Variants in TAF3 observed in about 807,000 individuals in gnomAD.
The protein encoded by TAF3 is TATA-box binding protein associated factor 3.
In TAF3, 7 loss-of-function variants were observed where a neutral mutation model predicts 80.6. The observed-to-expected ratio is 0.09, with a 90% confidence interval of 0.05 to 0.16. TAF3 has a LOEUF of 0.16. Among genes scored for constraint, TAF3 ranks in the 10% least tolerant of loss-of-function variants. The pLI, the probability that TAF3 is intolerant of heterozygous loss-of-function variation, is 1.00. For synonymous variants in TAF3, 444 were observed against 446.1 expected (o/e 1.00, Z 0.06); for missense variants, 921 against 1,140.2 (o/e 0.81, Z 2.77).
At chr10:7,971,306 A>G (rs1564374508) in intron 3 of TAF3, among the ~76,000 whole-genome samples, 1 of 152,358 alleles carries the variant, frequency 6.6e-6, no homozygotes, top group East Asian at 1.9e-4. Flanking sequence ...GGTTACAGCC[A>G]TAGTTCAGCA....
At chr10:7,866,858 G>T (rs989100724) in intron 2 of TAF3, among the ~76,000 whole-genome samples, 2 of 152,122 alleles carry the variant, frequency 1.3e-5, no homozygotes, top group African/African-American at 4.8e-5. Context: ...TTGTTTTTAT[G>T]GTGCGCTCTA....
chr10:8,014,790 G>T lies in TAF3; in HGVS notation c.*39G>T, dbSNP rs549695498. Reference sequence around the variant, plus strand: ...GCTGGACCAAGCGGGGTCAGCCCGGGCTTCTTCCCTGGCGCCTCTGGAAGG... The same window carrying T: ...GCTGGACCAAGCGGGGTCAGCCCGGTCTTCTTCCCTGGCGCCTCTGGAAGG... On this transcript the variant is annotated 3_prime_UTR_variant, in exon 7 of 7. Transcript: ENST00000344293. 1.3e-6 allele frequency: 2 copies of T among 1,531,782 alleles called. No individual in the cohort carries two copies. The highest frequency in any genetic ancestry group is 2.4e-5 in the South Asian group (2 of 82,336). The allele number at this position is 1,531,782 out of a possible 1,614,324, so 94.9% of individuals were successfully genotyped here. A position where few individuals can be genotyped will look rare whatever the true frequency, so the allele number is the denominator to read the frequency against.
At position 7,943,976 on chromosome 10, in the gene TAF3, G is replaced by A. The variant is rs192761757; in HGVS notation, c.410-19944G>A. Among the ~76,000 whole-genome samples the A allele has an allele frequency of 3.0e-3, 461 of 152,198 alleles. 2 individuals are homozygous for A. Among genetic ancestry groups the A allele is most frequent in the African/African-American group, 0.01 (418 of 41,522 alleles). On this transcript the variant is annotated intron_variant, in intron 2 of 6. Coordinates refer to ENST00000344293, the MANE Select transcript of TAF3 (RefSeq NM_031923.4). ...GGGTTCTTTATACTTTGAAAAGGGGGTGGGTTTTCTTGTTCTTTCTGCAAT... is the reference window on the plus strand; with the variant it reads ...GGGTTCTTTATACTTTGAAAAGGGGATGGGTTTTCTTGTTCTTTCTGCAAT...
At chr10:7,991,098 T>C (rs1456401764) in intron 4 of TAF3, among the ~76,000 whole-genome samples, 1 of 152,176 alleles carries the variant, frequency 6.6e-6, no homozygotes, top group East Asian at 1.9e-4. Flanking sequence ...CTGAAGTCAG[T>C]GTAATAATTT....
At position 8,007,100 on chromosome 10, in the gene TAF3, A is replaced by G. The variant is rs1175383163; in HGVS notation, c.2316-1978A>G. Among the ~76,000 whole-genome samples, 18 of 152,178 alleles carry G rather than the reference A, an allele frequency of 1.2e-4. 1 individual carries two copies. Among genetic ancestry groups the G allele is most frequent in the Admixed American group, 1.0e-3 (16 of 15,282 alleles). On this transcript the variant is annotated intron_variant, in intron 4 of 6. Coordinates refer to ENST00000344293, the MANE Select transcript of TAF3 (RefSeq NM_031923.4). The stretch of plus-strand genomic sequence containing the variant: ...CTTGGAGAAGTCCTTGAACAGTTCT[A>G]TTTATGAGTCAGTGTGTAAGTTTAC...
At chr10:7,865,711 T>C (rs1837207547) in intron 2 of TAF3, among the ~76,000 whole-genome samples, 1 of 152,112 alleles carries the variant, frequency 6.6e-6, no homozygotes, top group Non-Finnish European at 1.5e-5. Flanking sequence ...GAAGGAAAAA[T>C]AGAAAGTTGC....
chr10:7,935,142 TG>T (rs1191528554), intron 2 of TAF3, among the ~76,000 whole-genome samples: 2 of 152,236 alleles, frequency 1.3e-5, no homozygotes, highest in Non-Finnish European at 2.9e-5. Flanking sequence ...CTGTGCGTGC[TG>T]GTGCGCGCCT....
chr10:7,851,713 T>C (rs774692257), intron 2 of TAF3, among the ~76,000 whole-genome samples: 1 of 152,180 alleles, frequency 6.6e-6, no homozygotes, highest in Non-Finnish European at 1.5e-5. Flanking sequence ...TTTAAGCATA[T>C]AACTCTAAAA....
Position 7,974,133 on chromosome 10 carries a change from T to TACACACAC in TAF3, c.2233-3076_2233-3069dup, listed in dbSNP as rs56363651. 7.1e-3 allele frequency among the ~76,000 whole-genome samples: 1,034 copies of TACACACAC among 145,346 alleles called. 5 individuals are homozygous for TACACACAC. Among genetic ancestry groups the TACACACAC allele is most frequent in the African/African-American group, 0.013 (488 of 38,838 alleles). ...ACAGAGTGAGATTCCTTCTGAAACA[T>TACACACAC]ACACACACACACACACACACACACA... On this transcript the variant is annotated intron_variant, in intron 3 of 6. Transcript: ENST00000344293.
chr10:7,921,045 G>C (rs1837758002), intron 2 of TAF3, among the ~76,000 whole-genome samples: 1 of 151,998 alleles, frequency 6.6e-6, no homozygotes, highest in Non-Finnish European at 1.5e-5. Flanking sequence ...ATTCTCAGGA[G>C]CTCTTTTCTA....
intron 2 of TAF3, among the ~76,000 whole-genome samples, chr10:7,873,624 C>T (rs866779792): frequency 1.0e-4 from 15 of 143,536 alleles, no homozygotes; most frequent in South Asian, 2.2e-4. Flanking sequence ...TTCTCCCCCC[C>T]CCCCCGTCAA....
chr10:7,864,540 C>G lies in TAF3; in HGVS notation c.409+39980C>G, dbSNP rs538476973. ...AACAGATCTCTTGAAATGTGTTCCT[C>G]CTATCTAAGCGTAATAATGTGTCCT... On this transcript the variant is annotated intron_variant, in intron 2 of 6. Transcript: ENST00000344293. Among the ~76,000 whole-genome samples the G allele has an allele frequency of 3.9e-5, 6 of 152,304 alleles. No individual in the cohort carries two copies. In the South Asian group the frequency reaches 1.2e-3, roughly 32 times the overall value.
rs142827931 is a variant in TAF3, at chr10:7,882,856, T to C, written c.409+58296T>C. Among the ~76,000 whole-genome samples the C allele has an allele frequency of 3.7e-3, 564 of 152,370 alleles. 4 individuals carry two copies. Among genetic ancestry groups the C allele is most frequent in the South Asian group, 0.02 (95 of 4,828 alleles). On this transcript the variant is annotated intron_variant, in intron 2 of 6. Transcript: ENST00000344293. Reference sequence around the variant, plus strand: ...TAGCACAAAGAATTCCTAAGTATTCTTTACGTAGATTCCCCAAATGCTAAC... The same window carrying C: ...TAGCACAAAGAATTCCTAAGTATTCCTTACGTAGATTCCCCAAATGCTAAC...
intron 4 of TAF3, among the ~76,000 whole-genome samples, chr10:7,996,842 A>ATTTTT (rs34866346): frequency 1.5e-5 from 2 of 131,922 alleles, no homozygotes; most frequent in Non-Finnish European, 1.6e-5. Context: ...ACCACACTCT[A>ATTTTT]TTTTTTTTTT....
Position 7,998,787 on chromosome 10 carries a change from C to T in TAF3, c.2316-10291C>T, listed in dbSNP as rs546167176. Among the ~76,000 whole-genome samples, 16 of 150,594 alleles carry T rather than the reference C, an allele frequency of 1.1e-4. No individual in the cohort carries two copies. The South Asian group carries it at 1.9e-3, about 18-fold the overall frequency. ...CCAGGAGGTGGAGGTTGCAGTGAGC[C>T]GGGATCGCGCCACTGCACTCCAGCC... On this transcript the variant is annotated intron_variant, in intron 4 of 6. Coordinates refer to ENST00000344293, the MANE Select transcript of TAF3 (RefSeq NM_031923.4).
At chr10:7,920,306 GTGTGTGTGTGTGTGTGTGTGTGTGTA>G (rs1327225788) in intron 2 of TAF3, among the ~76,000 whole-genome samples, 3,955 of 84,668 alleles carry the variant, frequency 0.047, 187 homozygotes, top group African/African-American at 0.12. Flanking sequence ...ATACGTGTGT[GTGTGTGTGTGTGTGTGTGTGTGTGTA>G]TGTGTGTGTG....
intron 4 of TAF3, among the ~76,000 whole-genome samples, chr10:8,001,653 C>A (rs1802605673): frequency 2.0e-5 from 3 of 152,082 alleles, no homozygotes; most frequent in African/African-American, 7.2e-5. Context: ...TGTCCTACCC[C>A]AAGACTAAAA....
chr10:7,960,745 T>G (rs1423617605), intron 2 of TAF3, among the ~76,000 whole-genome samples: 1 of 152,188 alleles, frequency 6.6e-6, no homozygotes, highest in East Asian at 1.9e-4. Context: ...ATTTTATTTT[T>G]TCCTCCAATT....
intron 2 of TAF3, among the ~76,000 whole-genome samples, chr10:7,872,230 T>TTTC (rs1554778963): frequency 1.3e-5 from 2 of 150,562 alleles, no homozygotes; most frequent in African/African-American, 4.9e-5. Context: ...TTTTTTTTTT[T>TTTC]TTTCTTTCTT....
Sources: allele counts gnomAD v4.1 joint callset (sites outside exome capture counted in the v4.1 genomes callset), GRCh38; gene constraint gnomAD v4.1.1; transcripts MANE v1.5; gene names NCBI Gene and HGNC (gene_info 2026-07-23, HGNC 2026-07-21).